The following TUBA4B variants were observed in gnomAD, a reference collection of about 807,000 sequenced individuals.
TUBA4B encodes tubulin alpha 4b.
In TUBA4B, 13 loss-of-function variants were observed where a neutral mutation model predicts 18.4. The ratio of observed to expected loss-of-function variants is 0.71; its 90% CI spans 0.46 to 1.12. The LOEUF is 1.12. Ranked by LOEUF, TUBA4B falls within the 50% of genes most tolerant of loss-of-function variation. The pLI, the probability that TUBA4B is intolerant of heterozygous loss-of-function variation, is 0.00. For missense variants in TUBA4B, 244 were observed against 250.0 expected (o/e 0.98, Z 0.16); for synonymous variants, 101 against 99.1 (o/e 1.02, Z -0.11).
Position 219,272,131 on chromosome 2 carries a change from G to T in TUBA4B, c.*432G>T, listed in dbSNP as rs1457690908. ...GTGGAGTGGGGGGAAGAAAAGATAG[G>T]GGGGATGAATACTAGGGGAATACTG... is the stretch of plus-strand genomic sequence containing the variant. On this transcript the variant is annotated 3_prime_UTR_variant, in exon 4 of 4. Coordinates refer to ENST00000490341, the MANE Select transcript of TUBA4B (RefSeq NM_001355221.1). The T allele has an allele frequency of 2.9e-6, 2 of 695,620 alleles. No individual in the cohort carries two copies. Among genetic ancestry groups the T allele is most frequent in the African/African-American group, 3.9e-5 (2 of 51,676 alleles). 43.1% of individuals were successfully genotyped at this position (695,620 alleles called of 1,614,324 possible).
At chr2:219,261,851 C>T (rs186523705) in intron 1 of TUBA4B, among the ~76,000 whole-genome samples, 1 of 152,338 alleles carries the variant, frequency 6.6e-6, no homozygotes, top group Admixed American at 6.5e-5. Context: ...GCCCCTCCAC[C>T]TCTATGATCT....
intron 1 of TUBA4B, among the ~76,000 whole-genome samples, chr2:219,255,432 C>T (rs1371600128): frequency 6.6e-6 from 1 of 152,114 alleles, no homozygotes; most frequent in Non-Finnish European, 1.5e-5. Flanking sequence ...GGGGTTTCAC[C>T]ATGTTGGTCA....
Position 219,270,300 on chromosome 2 carries a change from T to C in TUBA4B, c.157T>C (p.Phe53Leu). ...GGGCCACTACACCATTGGGAAGGAGTTCATCGACCTGCTACTGGACCGGAT... is the reference window on the plus strand; with the variant it reads ...GGGCCACTACACCATTGGGAAGGAGCTCATCGACCTGCTACTGGACCGGAT... ...AWGHYTIGKEFIDLLLDRIRK... is the reference protein window; with the variant it reads ...AWGHYTIGKELIDLLLDRIRK... The change falls in exon 3 of 4, where the codon TTC becomes CTC. Residue 53 changes from phenylalanine to leucine, a missense_variant. Physicochemically the swap from Phe to Leu is conservative, Grantham distance 22. Coordinates refer to ENST00000490341, the MANE Select transcript of TUBA4B (RefSeq NM_001355221.1). The C allele has an allele frequency of 5.3e-6, 4 of 756,642 alleles. No homozygotes were observed. Among genetic ancestry groups the C allele is most frequent in the Non-Finnish European group, 2.4e-6 (1 of 408,810 alleles). The allele number at this position is 756,642 out of a possible 1,614,324, so 46.9% of individuals were successfully genotyped here.
chr2:219,257,640 T>TCAA (rs1559279285), intron 1 of TUBA4B, among the ~76,000 whole-genome samples: 2 of 30,946 alleles, frequency 6.5e-5, no homozygotes, highest in Non-Finnish European at 5.3e-5. Flanking sequence ...AGACACTGTC[T>TCAA]CAAAAAAAAA....
At chr2:219,268,279 G>A (rs1166298187) in intron 2 of TUBA4B, among the ~76,000 whole-genome samples, 1 of 151,870 alleles carries the variant, frequency 6.6e-6, no homozygotes, top group Non-Finnish European at 1.5e-5. Flanking sequence ...ATTTTTAGTG[G>A]AGAGGGGGTT....
chr2:219,263,416 C>G (rs1951771082), intron 1 of TUBA4B, among the ~76,000 whole-genome samples: 1 of 152,150 alleles, frequency 6.6e-6, no homozygotes, highest in Admixed American at 6.5e-5. Context: ...TTGCCTGAAC[C>G]CAGGAGGAGG....
At chr2:219,267,041 T>C (rs1047657581) in intron 2 of TUBA4B, among the ~76,000 whole-genome samples, 2 of 152,176 alleles carry the variant, frequency 1.3e-5, no homozygotes, top group Non-Finnish European at 2.9e-5. Context: ...CCATCTGCTG[T>C]GCCTTTGTCT....
chr2:219,262,469 G>A (rs1032779009), intron 1 of TUBA4B, among the ~76,000 whole-genome samples: 3 of 152,116 alleles, frequency 2.0e-5, no homozygotes, highest in Admixed American at 6.5e-5. Flanking sequence ...GAATGTTCTT[G>A]TTTGTTTATT....
Position 219,271,930 on chromosome 2 carries a change from T to A in TUBA4B, c.*231T>A. 1 of 1,465,690 alleles carries A rather than the reference T, an allele frequency of 6.8e-7. No homozygotes were observed. The highest frequency in any genetic ancestry group is 9.6e-7 in the Non-Finnish European group (1 of 1,045,302). The allele number at this position is 1,465,690 out of a possible 1,614,324, so 90.8% of individuals were successfully genotyped here. A position where few individuals can be genotyped will look rare whatever the true frequency, so the allele number is the denominator to read the frequency against. ...CGTGCCATGTGCATGCTGAGCAACATGACAGCCATCACTATGGCCTGGGCC... is the reference window on the plus strand; with the variant it reads ...CGTGCCATGTGCATGCTGAGCAACAAGACAGCCATCACTATGGCCTGGGCC... On this transcript the variant is annotated 3_prime_UTR_variant, in exon 4 of 4. Coordinates refer to ENST00000490341, the MANE Select transcript of TUBA4B (RefSeq NM_001355221.1).
chr2:219,263,045 C>T (rs1289433375), intron 1 of TUBA4B, among the ~76,000 whole-genome samples: 1 of 151,974 alleles, frequency 6.6e-6, no homozygotes, highest in African/African-American at 2.4e-5. Context: ...CCATTCCCCA[C>T]CCCCCAAAAA....
chr2:219,258,413 C>T (rs1264317904), intron 1 of TUBA4B, among the ~76,000 whole-genome samples: 4 of 152,094 alleles, frequency 2.6e-5, no homozygotes, highest in East Asian at 1.9e-4. Context: ...CTCCACCTCC[C>T]GGCCTCTAGC....
intron 3 of TUBA4B, among the ~76,000 whole-genome samples, chr2:219,270,623 C>T (rs922644554): frequency 1.4e-5 from 2 of 145,628 alleles, no homozygotes; most frequent in Admixed American, 6.7e-5. Context: ...GTTCCATAAG[C>T]GTTCCCAGAA....
chr2:219,257,646 A>C (rs1319382730), intron 1 of TUBA4B, among the ~76,000 whole-genome samples: 12 of 138,832 alleles, frequency 8.6e-5, no homozygotes, highest in Admixed American at 2.1e-4. Flanking sequence ...TGTCTCAAAA[A>C]AAAAAAAAAA....
At position 219,271,686 on chromosome 2, in the gene TUBA4B, C is replaced by G; in HGVS notation, c.713C>G (p.Pro238Arg). The change falls in exon 4 of 4, where the codon CCA becomes CGA. Residue 238 changes from proline to arginine, a missense_variant. Pro to Arg is a moderately radical substitution (Grantham distance 103). Transcript: ENST00000490341. The stretch of plus-strand genomic sequence containing the variant: ...TTACCAATGCCTGCTTTGAGCCTGC[C>G]AACCAGATGGTGAAGTGTGATCCCC... ...QRLPMPALSL[P>R]TRW The G allele has an allele frequency of 6.2e-7, 1 of 1,613,378 alleles. No individual in the cohort carries two copies. Among genetic ancestry groups the G allele is most frequent in the Non-Finnish European group, 8.5e-7 (1 of 1,179,262 alleles).
rs1553571369 is a variant in TUBA4B, at chr2:219,253,359, G to GT, written c.-49_-48insT. On this transcript the variant is annotated 5_prime_UTR_variant, in exon 1 of 4. Coordinates refer to ENST00000490341, the MANE Select transcript of TUBA4B (RefSeq NM_001355221.1). ...AGACGCGGGGTGCTGAGTCACGGGG[G>GT]GGGGGTGGTTCTGTGGATAGTTGGA... The GT allele has an allele frequency of 3.3e-6, 5 of 1,531,852 alleles. 1 individual carries two copies. The African/African-American group carries it at 4.2e-5, about 13-fold the overall frequency. The allele number at this position is 1,531,852 out of a possible 1,614,324, so 94.9% of individuals were successfully genotyped here.
rs537184190 is a variant in TUBA4B, at chr2:219,269,866, C to T, written c.59-336C>T. ...CTGTGATGATCAGTCCCAGCCACAA[C>T]CTTGTCCCTGGGTACCACAGCAAGT... On this transcript the variant is annotated intron_variant, in intron 2 of 3. Coordinates refer to ENST00000490341, the MANE Select transcript of TUBA4B (RefSeq NM_001355221.1). Among the ~76,000 whole-genome samples the T allele has an allele frequency of 3.9e-5, 6 of 152,262 alleles. No homozygotes were observed. In the South Asian group the frequency reaches 8.3e-4, roughly 21 times the overall value.
intron 1 of TUBA4B, among the ~76,000 whole-genome samples, chr2:219,260,467 T>C (rs1447019666): frequency 6.6e-6 from 1 of 152,124 alleles, no homozygotes; most frequent in Non-Finnish European, 1.5e-5. Context: ...CGACTCAAAT[T>C]TATATCTCCA....
At chr2:219,257,842 C>CTA (rs200428721) in intron 1 of TUBA4B, among the ~76,000 whole-genome samples, 6 of 150,392 alleles carry the variant, frequency 4.0e-5, no homozygotes, top group Non-Finnish European at 5.9e-5. Context: ...TATACACACA[C>CTA]TATATATATA....
At position 219,253,953 on chromosome 2, in the gene TUBA4B, G is replaced by A. The variant is rs995032513; in HGVS notation, c.12+534G>A. On this transcript the variant is annotated intron_variant, in intron 1 of 3. Coordinates refer to ENST00000490341, the MANE Select transcript of TUBA4B (RefSeq NM_001355221.1). ...AGTGCCGCACCGCCCTTATAGGCGG[G>A]GGGGGGGCGGGGCCCGCGTTCCCCG... is the stretch of plus-strand genomic sequence containing the variant. 12 of 1,184,042 alleles carry A rather than the reference G, an allele frequency of 1.0e-5. No homozygotes were observed. The South Asian group carries it at 2.5e-4, about 24-fold the overall frequency. 73.3% of individuals were successfully genotyped at this position (1,184,042 alleles called of 1,614,324 possible).
Sources: gnomAD v4.1 joint callset for allele counts (sites outside exome capture counted in the v4.1 genomes callset) on GRCh38, gnomAD v4.1.1 for gene constraint, MANE v1.5 for transcripts, NCBI Gene and HGNC (gene_info 2026-07-23, HGNC 2026-07-21) for gene names.